TAF4B: variants seen among roughly 807,000 people sequenced by gnomAD.
TAF4B encodes the protein transcription initiation factor TFIID subunit 4B.
A neutral mutation model predicts 86.4 loss-of-function variants in TAF4B; 38 were observed. That is an observed-to-expected ratio of 0.44 (90% CI 0.34 to 0.58). The LOEUF (loss-of-function observed/expected upper bound fraction) is 0.58. Ranked by LOEUF, TAF4B falls within the 20% of genes least tolerant of loss-of-function variation. The pLI is 0.02. For synonymous variants in TAF4B, 388 were observed against 391.2 expected (o/e 0.99, Z 0.10); for missense variants, 988 against 1,027.6 (o/e 0.96, Z 0.53).
chr18:26,326,941 G>A lies in TAF4B; in HGVS notation c.2134-74G>A, dbSNP rs1015968045. On this transcript the variant is annotated intron_variant, in intron 11 of 14. Coordinates refer to ENST00000269142, the MANE Select transcript of TAF4B (RefSeq NM_005640.3). ...ATGTTGGTATTCCTGCCTTTAGCAG[G>A]TTTATACAATACCTAATGTAGAATG... The A allele has an allele frequency of 4.0e-6, 6 of 1,501,242 alleles. No homozygotes were observed. In the Admixed American group the frequency reaches 7.5e-5, roughly 19 times the overall value. 93.0% of individuals were successfully genotyped at this position (1,501,242 alleles called of 1,614,324 possible).
At position 26,317,580 on chromosome 18, in the gene TAF4B, G is replaced by T. The variant is rs947175331; in HGVS notation, c.2002+2182G>T. On this transcript the variant is annotated intron_variant, in intron 10 of 14. Transcript: ENST00000269142. Reference sequence around the variant, plus strand: ...CATGGTTATTGTCTTAGTCATCTTGGATTGCTGTAACAAAATACCATAAAT... The same window carrying T: ...CATGGTTATTGTCTTAGTCATCTTGTATTGCTGTAACAAAATACCATAAAT... Among the ~76,000 whole-genome samples, 3 of 152,154 alleles carry T rather than the reference G, an allele frequency of 2.0e-5. No homozygotes were observed. The South Asian group carries it at 6.2e-4, about 32-fold the overall frequency.
intron 2 of TAF4B, chr18:26,266,021 C>G (rs866067730): frequency 1.3e-5 from 2 of 152,138 alleles, no homozygotes; most frequent in Non-Finnish European, 2.9e-5. Context: ...GTGATCTGCC[C>G]GCCTCCGCCT....
At chr18:26,359,456 C>T (rs746519969) in intron 14 of TAF4B, among the ~76,000 whole-genome samples, 1 of 152,100 alleles carries the variant, frequency 6.6e-6, no homozygotes, top group Non-Finnish European at 1.5e-5. Flanking sequence ...GCGGAGAGAG[C>T]AGTATAATCA....
At chr18:26,380,828 T>C (rs1187034939) in intron 14 of TAF4B, among the ~76,000 whole-genome samples, 1 of 152,078 alleles carries the variant, frequency 6.6e-6, no homozygotes, top group East Asian at 1.9e-4. Context: ...GAGAATTCAC[T>C]TGGAGTGTTT....
At chr18:26,333,389 A>G (rs936156906) in intron 12 of TAF4B, among the ~76,000 whole-genome samples, 1 of 146,876 alleles carries the variant, frequency 6.8e-6, no homozygotes, top group African/African-American at 2.5e-5. Context: ...CCCAAATTAA[A>G]TTTATTTTAT....
At position 26,285,920 on chromosome 18, in the gene TAF4B, C is replaced by T; in HGVS notation, c.1011C>T (p.Ser337=). The change falls in exon 7 of 15, where the codon TCC becomes TCT. Residue 337 remains serine, a synonymous_variant. Transcript: ENST00000269142. ...VVALRQLLPN[S]QSFIQQCVQQ... ...CCTTACGACAACTTCTGCCTAACTC[C>T]CAGAGCTTCATCCAGCAATGTGTTC... 2 of 1,613,566 alleles carry T rather than the reference C, an allele frequency of 1.2e-6. No homozygotes were observed. Among genetic ancestry groups the T allele is most frequent in the Non-Finnish European group, 1.7e-6 (2 of 1,179,716 alleles).
At position 26,259,298 on chromosome 18, in the gene TAF4B, A is replaced by G. The variant is rs949063294; in HGVS notation, c.344-5872A>G. On this transcript the variant is annotated intron_variant, in intron 1 of 14. Transcript: ENST00000269142. The stretch of plus-strand genomic sequence containing the variant: ...TGTTTATTTTTCTTCTTTTTTTTTT[A>G]TTATACTTTAAGTTCTAGGGTACAT... Among the ~76,000 whole-genome samples, 27 of 123,042 alleles carry G rather than the reference A, an allele frequency of 2.2e-4. No homozygotes were observed. The East Asian group carries it at 4.3e-3, about 20-fold the overall frequency. The allele number at this position is 123,042 out of a possible 152,430, so 80.7% of individuals were successfully genotyped here.
chr18:26,326,297 T>C (rs1312156547), intron 11 of TAF4B, among the ~76,000 whole-genome samples: 2 of 152,214 alleles, frequency 1.3e-5, no homozygotes, highest in Non-Finnish European at 2.9e-5. Flanking sequence ...ACAGAATAGA[T>C]TGAGCAATTT....
chr18:26,230,813 C>T (rs1048381964), intron 1 of TAF4B, among the ~76,000 whole-genome samples: 11 of 152,020 alleles, frequency 7.2e-5, no homozygotes, highest in African/African-American at 1.9e-4. Flanking sequence ...GAGTTGTGCA[C>T]GAAGGCGCTC....
chr18:26,334,236 ACTAT>A (rs1211125959), intron 12 of TAF4B, among the ~76,000 whole-genome samples: 1 of 152,180 alleles, frequency 6.6e-6, no homozygotes, highest in Non-Finnish European at 1.5e-5. Context: ...AAATTTAAAG[ACTAT>A]CTCTTATATT....
chr18:26,320,414 A>G (rs1269965416), intron 10 of TAF4B, among the ~76,000 whole-genome samples: 2 of 152,222 alleles, frequency 1.3e-5, no homozygotes, highest in African/African-American at 4.8e-5. Context: ...CTTTCTTGCT[A>G]GTTAGCAGAA....
At chr18:26,297,405 A>G (rs1251466505) in intron 9 of TAF4B, among the ~76,000 whole-genome samples, 1 of 152,216 alleles carries the variant, frequency 6.6e-6, no homozygotes, top group Non-Finnish European at 1.5e-5. Context: ...AAGTTGTCTC[A>G]GCAGTTATAG....
chr18:26,315,515 A>G (rs2144666535), intron 10 of TAF4B, 117 bp downstream of exon 10: 1 of 638,588 alleles, frequency 1.6e-6, no homozygotes, highest in East Asian at 2.9e-5. Context: ...ATAAGATTCT[A>G]GAAATAATCA....
rs1016803084 is a variant in TAF4B at position 26,390,231 on chromosome 18, C to G, written c.*219C>G. On this transcript the variant is annotated 3_prime_UTR_variant, in exon 15 of 15. Transcript: ENST00000269142. The stretch of plus-strand genomic sequence containing the variant: ...TTCTGAAAATCAGTTATGAAATACA[C>G]TTTGCACAGAATTAGGCATCTGCCT... 2 of 478,184 alleles carry G rather than the reference C, an allele frequency of 4.2e-6. No individual in the cohort carries two copies. Among genetic ancestry groups the G allele is most frequent in the African/African-American group, 2.0e-5 (1 of 50,372 alleles). The allele number at this position is 478,184 out of a possible 1,614,324, so 29.6% of individuals were successfully genotyped here.
At chr18:26,234,606 G>A (rs1294517893) in intron 1 of TAF4B, among the ~76,000 whole-genome samples, 6 of 152,172 alleles carry the variant, frequency 3.9e-5, no homozygotes, top group Admixed American at 3.9e-4. Context: ...CCTGCCCTTT[G>A]TATCCCATTC....
intron 12 of TAF4B, among the ~76,000 whole-genome samples, chr18:26,329,336 C>T (rs892590507): frequency 7.2e-5 from 11 of 152,202 alleles, no homozygotes; most frequent in African/African-American, 2.7e-4. Flanking sequence ...GGATTACAGG[C>T]ATGAGACACT....
intron 1 of TAF4B, among the ~76,000 whole-genome samples, chr18:26,241,743 A>G (rs1568097802): frequency 6.6e-6 from 1 of 152,214 alleles, no homozygotes; most frequent in South Asian, 2.1e-4. Flanking sequence ...ATTTCCCTCT[A>G]CACACTGCTT....
At chr18:26,383,708 T>C (rs1372147805) in intron 14 of TAF4B, among the ~76,000 whole-genome samples, 1 of 152,222 alleles carries the variant, frequency 6.6e-6, no homozygotes, top group Non-Finnish European at 1.5e-5. Flanking sequence ...CCGTGTCACA[T>C]CAGTGTTTTC....
chr18:26,267,921 G>T (rs1004264764), intron 3 of TAF4B, among the ~76,000 whole-genome samples: 10 of 152,174 alleles, frequency 6.6e-5, no homozygotes, highest in African/African-American at 2.4e-4. Flanking sequence ...GATATGTAGG[G>T]ATAAATACCC....
Sources: gnomAD v4.1 joint callset for allele counts (sites outside exome capture counted in the v4.1 genomes callset) on GRCh38, gnomAD v4.1.1 for gene constraint, MANE v1.5 for transcripts, NCBI Gene and HGNC (gene_info 2026-07-23, HGNC 2026-07-21) for gene names.